The following PTPRT variants were observed in gnomAD, a reference collection of about 807,000 sequenced individuals.
PTPRT encodes the protein protein tyrosine phosphatase receptor type T.
In PTPRT, 56 loss-of-function variants were observed where a neutral mutation model predicts 176.8. The observed-to-expected ratio is 0.32, with a 90% CI of 0.26 to 0.40. The LOEUF (loss-of-function observed/expected upper bound fraction) is 0.40. Ranked by LOEUF, PTPRT falls within the 10% of genes least tolerant of loss-of-function variation. The pLI is 1.00. For synonymous variants in PTPRT, 783 were observed against 739.0 expected, an observed-to-expected ratio of 1.06 and a Z score of -0.96; for missense variants, 1,540 against 1,908.2, an observed-to-expected ratio of 0.81 and a Z score of 3.60.
At chr20:43,034,611 A>G (rs1390266592) in intron 1 of PTPRT, among the ~76,000 whole-genome samples, 7 of 150,572 alleles carry the variant, frequency 4.6e-5, no homozygotes, top group Non-Finnish European at 1.0e-4. Context: ...TAATCCTAAT[A>G]TTAGGCTGGT....
chr20:42,176,139 T>A (rs1990281418), intron 16 of PTPRT, among the ~76,000 whole-genome samples: 1 of 152,190 alleles, frequency 6.6e-6, no homozygotes, highest in South Asian at 2.1e-4. Flanking sequence ...CTCGTGTATC[T>A]CCAGAATCTA....
In PTPRT at chr20:42,090,099, C is replaced by T. The variant is rs73129135; in HGVS notation, c.3847-4246G>A. ...GGCTTGGCTACATCTCTTAGCTTCT[C>T]CAGTTTGTTATGAGTGGCTGTGAAT... On this transcript the variant is annotated intron_variant, in intron 27 of 30. Transcript: ENST00000373187. Among the ~76,000 whole-genome samples the T allele has an allele frequency of 2.1e-3, 318 of 152,218 alleles. 4 individuals are homozygous for T. In the Middle Eastern group the frequency reaches 0.031, roughly 15 times the overall value.
At chr20:42,963,706 G>A (rs201221069) in intron 1 of PTPRT, among the ~76,000 whole-genome samples, 1 of 151,900 alleles carries the variant, frequency 6.6e-6, no homozygotes, top group African/African-American at 2.4e-5. Context: ...CTTATATAAG[G>A]GTAGGTCAAA....
intron 19 of PTPRT, among the ~76,000 whole-genome samples, chr20:42,120,969 T>A (rs1169604374): frequency 6.6e-6 from 1 of 152,200 alleles, no homozygotes; most frequent in East Asian, 1.9e-4. Flanking sequence ...AGAAAATAAG[T>A]CCTAAAGTTT....
intron 7 of PTPRT, among the ~76,000 whole-genome samples, chr20:42,673,416 A>G (rs1258629623): frequency 6.6e-6 from 1 of 152,226 alleles, no homozygotes; most frequent in Non-Finnish European, 1.5e-5. Context: ...GTCGGGGGAC[A>G]GGTCTGAGAA....
intron 9 of PTPRT, among the ~76,000 whole-genome samples, chr20:42,442,229 A>C (rs1242839377): frequency 1.3e-5 from 2 of 152,158 alleles, no homozygotes; most frequent in Non-Finnish European, 2.9e-5. Flanking sequence ...CGTTCTGTTC[A>C]GAACTCCTGT....
intron 19 of PTPRT, among the ~76,000 whole-genome samples, chr20:42,126,433 G>A (rs1987860553): frequency 6.6e-6 from 1 of 152,156 alleles, no homozygotes; most frequent in African/African-American, 2.4e-5. Context: ...ATCTGGAAAT[G>A]GGTAGTAGTG....
chr20:42,995,537 A>T (rs78931597), intron 1 of PTPRT, among the ~76,000 whole-genome samples: 1 of 152,110 alleles, frequency 6.6e-6, no homozygotes, highest in Non-Finnish European at 1.5e-5. Flanking sequence ...CTTGGGCCCA[A>T]TGTGCCATCC....
chr20:42,103,187 C>T (rs1453568786), intron 25 of PTPRT, among the ~76,000 whole-genome samples: 1 of 152,158 alleles, frequency 6.6e-6, no homozygotes, highest in Non-Finnish European at 1.5e-5. Context: ...CTGGCTTTAT[C>T]TTACTTAGTG....
intron 7 of PTPRT, among the ~76,000 whole-genome samples, chr20:42,503,269 A>G (rs182407319): frequency 6.6e-5 from 10 of 152,150 alleles, no homozygotes; most frequent in African/African-American, 2.4e-4. Context: ...GATTGCTTAA[A>G]TCATTAAATA....
rs151083584 is a variant in PTPRT, at chr20:43,097,323, C to T, written c.88+92323G>A. 5.9e-3 allele frequency among the ~76,000 whole-genome samples: 905 copies of T among 152,260 alleles called. 4 individuals carry two copies. Among genetic ancestry groups the T allele is most frequent in the Non-Finnish European group, 0.011 (731 of 68,018 alleles). On this transcript the variant is annotated intron_variant, in intron 1 of 30. Transcript: ENST00000373187. ...ACCCTCTTTTTCCCCACTCAGAAAA[C>T]GGGTTAAACCAGATGGACCTTCCAG... is the stretch of plus-strand genomic sequence containing the variant.
rs2015492414 is a variant in PTPRT at position 43,189,681 on chromosome 20, GGCAGCT to G, written c.47_52del (p.Gln16_Leu17del). 1 of 1,319,410 alleles carries G rather than the reference GGCAGCT, an allele frequency of 7.6e-7. No homozygotes were observed. Among genetic ancestry groups the G allele is most frequent in the Non-Finnish European group, 9.7e-7 (1 of 1,035,598 alleles). 81.7% of individuals were successfully genotyped at this position (1,319,410 alleles called of 1,614,324 possible). On this transcript the variant is annotated inframe_deletion, in exon 1 of 31. Coordinates refer to ENST00000373187, the MANE Select transcript of PTPRT (RefSeq NM_007050.6). The surrounding 1 kb of genome is among the most constrained non-coding windows in gnomAD (Gnocchi z 5.0). ...CTGAGCCCGGGCGCCGGGCAGTGGC[GGCAGCT>G]GCAGCCTCAGGAGCAGGCTGAGGGC...
chr20:42,323,080 A>G (rs6102770), intron 11 of PTPRT, among the ~76,000 whole-genome samples: 51,833 of 150,920 alleles, frequency 0.34, 10,202 homozygotes, highest in African/African-American at 0.55. Context: ...ACACCAGTTA[A>G]AATGGCAGTC....
chr20:42,495,866 A>C (rs1322835101), intron 7 of PTPRT, among the ~76,000 whole-genome samples: 1 of 152,148 alleles, frequency 6.6e-6, no homozygotes, highest in East Asian at 1.9e-4. Flanking sequence ...CCTTGTATAT[A>C]ATGCAAGGGT....
chr20:42,706,211 GTGTGTGTA>G (rs1457516797), intron 6 of PTPRT, among the ~76,000 whole-genome samples: 8 of 147,008 alleles, frequency 5.4e-5, no homozygotes, highest in African/African-American at 2.1e-4. Context: ...GTGTGTGTGT[GTGTGTGTA>G]TGTGTGTGTG....
Position 42,280,115 on chromosome 20 carries a change from G to A in PTPRT, c.2176+2374C>T, listed in dbSNP as rs186046020. Among the ~76,000 whole-genome samples the A allele has an allele frequency of 4.0e-4, 61 of 151,346 alleles. No homozygotes were observed. In the East Asian group the frequency reaches 8.9e-3, roughly 22 times the overall value. On this transcript the variant is annotated intron_variant, in intron 13 of 30. Coordinates refer to ENST00000373187, the MANE Select transcript of PTPRT (RefSeq NM_007050.6). ...AGGCTGCCTAGAGGAAATTTGATCC[G>A]GGTGGTCAGGAAGGGATGGGATAAA...
Position 42,656,211 on chromosome 20 carries a change from G to T in PTPRT, c.1153+21655C>A, listed in dbSNP as rs528184307. 1.1e-4 allele frequency among the ~76,000 whole-genome samples: 16 copies of T among 152,282 alleles called. No individual in the cohort carries two copies. The East Asian group carries it at 2.9e-3, about 28-fold the overall frequency. On this transcript the variant is annotated intron_variant, in intron 7 of 30. Transcript: ENST00000373187. ...CTTTTCTTCCTTAAGAGGGAGAAAAGCTGAGGCAAGATAGGAAAGCCCTAA... is the reference window on the plus strand; with the variant it reads ...CTTTTCTTCCTTAAGAGGGAGAAAATCTGAGGCAAGATAGGAAAGCCCTAA...
At position 42,077,520 on chromosome 20, in the gene PTPRT, G is replaced by A. The variant is rs778665203; in HGVS notation, c.*3359C>T. The A allele has an allele frequency of 9.1e-6, 2 of 219,852 alleles. No homozygotes were observed. Among genetic ancestry groups the A allele is most frequent in the East Asian group, 6.6e-5 (1 of 15,224 alleles). The allele number at this position is 219,852 out of a possible 1,614,324, so 13.6% of individuals were successfully genotyped here. Reference sequence around the variant, plus strand: ...GCTCACCCTGTAAATGGGGTGGGGTGGGGAGACCCCCTGGGGGTGGTGGTG... The same window carrying A: ...GCTCACCCTGTAAATGGGGTGGGGTAGGGAGACCCCCTGGGGGTGGTGGTG... On this transcript the variant is annotated 3_prime_UTR_variant, in exon 31 of 31. Coordinates refer to ENST00000373187, the MANE Select transcript of PTPRT (RefSeq NM_007050.6).
chr20:42,367,307 A>T (rs922079487), intron 9 of PTPRT, among the ~76,000 whole-genome samples: 19 of 152,206 alleles, frequency 1.2e-4, no homozygotes, highest in African/African-American at 4.1e-4. Flanking sequence ...GAGACTGTCG[A>T]GTAGGTCAGT....
Sources: gnomAD v4.1 joint callset for allele counts (sites outside exome capture counted in the v4.1 genomes callset) on GRCh38, gnomAD v4.1.1 for gene constraint, Gnocchi (gnomAD v3.1) non-coding constraint, MANE v1.5 for transcripts, NCBI Gene and HGNC (gene_info 2026-07-23, HGNC 2026-07-21) for gene names.